The following TMEM120B variants were observed in gnomAD, a reference collection of about 807,000 sequenced individuals.
TMEM120B encodes the protein transmembrane protein 120B.
TMEM120B carries 31 observed loss-of-function variants against 55.5 expected under a neutral mutation model. That is an observed-to-expected ratio of 0.56 (90% CI 0.42 to 0.75). The LOEUF is 0.75. Ranked by LOEUF, TMEM120B falls within the 30% of genes least tolerant of loss-of-function variation. The probability of loss-of-function intolerance (pLI) is 0.00; values close to 1 mark genes in which losing one functional copy is unlikely to be tolerated. For synonymous variants in TMEM120B, 203 were observed against 176.3 expected (o/e 1.15, Z -1.20); for missense variants, 399 against 425.5 (o/e 0.94, Z 0.55).
intron 6 of TMEM120B, among the ~76,000 whole-genome samples, chr12:121,764,293 G>A (rs1272245912): frequency 2.7e-5 from 4 of 149,942 alleles, no homozygotes; most frequent in East Asian, 3.9e-4. Context: ...AGGCCAAGGC[G>A]GTGGATCACC....
At position 121,777,298 on chromosome 12, in the gene TMEM120B, AGAGATGGGGTC is replaced by A. The variant is rs1874277762; in HGVS notation, c.*1577_*1587del. 1 of 151,700 alleles carries A rather than the reference AGAGATGGGGTC, an allele frequency of 6.6e-6. No homozygotes were observed. The highest frequency in any genetic ancestry group is 2.4e-5 in the African/African-American group (1 of 41,222). 9.4% of individuals were successfully genotyped at this position (151,700 alleles called of 1,614,324 possible). A position where few individuals can be genotyped will look rare whatever the true frequency, so the allele number is the denominator to read the frequency against. On this transcript the variant is annotated 3_prime_UTR_variant, in exon 12 of 12. Transcript: ENST00000449592. ...CTGCTACTTTTTAATACTTTTTAGT[AGAGATGGGGTC>A]TCACTATGTTGCCCAGGCTGGTCTC...
chr12:121,720,820 C>T (rs1894777636), intron 1 of TMEM120B, among the ~76,000 whole-genome samples: 1 of 152,216 alleles, frequency 6.6e-6, no homozygotes, highest in Non-Finnish European at 1.5e-5. Flanking sequence ...GTCTACTGGA[C>T]TGCCCAGCGA....
rs760209417 is a variant in TMEM120B at position 121,775,098 on chromosome 12, C to T, written c.874C>T (p.Leu292Phe). The T allele has an allele frequency of 1.9e-6, 3 of 1,610,946 alleles. No homozygotes were observed. Among genetic ancestry groups the T allele is most frequent in the Non-Finnish European group, 2.5e-6 (3 of 1,179,528 alleles). Reference sequence around the variant, plus strand: ...CTACAATGCCGTCACGCTGTTTGAGCTCTCCAGCCACGAGGAATGCAGAGA... The same window carrying T: ...CTACAATGCCGTCACGCTGTTTGAGTTCTCCAGCCACGAGGAATGCAGAGA... ...QLYNAVTLFE[L>F]SSHEECREWQ... The change falls in exon 11 of 12, where the codon CTC becomes TTC. Residue 292 changes from leucine to phenylalanine, a missense_variant. By Grantham distance (22) the Leu-to-Phe change is conservative. Transcript: ENST00000449592. This position sits in a 1 kb window ranked among gnomAD's most constrained non-coding sequence, Gnocchi z 4.3.
chr12:121,738,905 G>T (rs576149657), intron 1 of TMEM120B, among the ~76,000 whole-genome samples: 1 of 152,012 alleles, frequency 6.6e-6, no homozygotes, highest in Admixed American at 6.6e-5. Flanking sequence ...ACTTAAGTTC[G>T]GCCGGGCATG....
intron 1 of TMEM120B, among the ~76,000 whole-genome samples, chr12:121,738,012 C>CAAA (rs59357934): frequency 8.6e-5 from 6 of 69,384 alleles, no homozygotes; most frequent in Non-Finnish European, 1.2e-4. Flanking sequence ...CCTGTCTCCA[C>CAAA]AAAAAAAAAA....
chr12:121,721,834 C>T (rs1211879012), intron 1 of TMEM120B, among the ~76,000 whole-genome samples: 3 of 76,714 alleles, frequency 3.9e-5, no homozygotes, highest in East Asian at 1.1e-3. Flanking sequence ...TTTGAGACAG[C>T]GTCTTGCTCT....
Position 121,780,934 on chromosome 12 carries a change from TCCTC to T in TMEM120B, c.*5213_*5216del. 1.2e-6 allele frequency: 2 copies of T among 1,614,002 alleles called. No individual in the cohort carries two copies. Among genetic ancestry groups the T allele is most frequent in the South Asian group, 1.1e-5 (1 of 91,066 alleles). ...AGCTTCCGCAGCTGCTCCTTGTCCT[TCCTC>T]AGGTCTGTCTTGCAGCCGATGAGCA... On this transcript the variant is annotated 3_prime_UTR_variant, in exon 12 of 12. Coordinates refer to ENST00000449592, the MANE Select transcript of TMEM120B (RefSeq NM_001080825.2).
chr12:121,752,051 A>C (rs1404224051), intron 4 of TMEM120B, 77 bp from the exon 5 acceptor site: 3 of 1,223,646 alleles, frequency 2.5e-6, no homozygotes, highest in Admixed American at 1.7e-5. Context: ...CAAGGGTCTG[A>C]TGGGGCTGAG....
intron 6 of TMEM120B, among the ~76,000 whole-genome samples, chr12:121,767,714 G>A (rs1446326269): frequency 6.6e-6 from 1 of 152,214 alleles, no homozygotes. Flanking sequence ...GGGGTGTGCA[G>A]ATGGACGCCT....
At chr12:121,738,239 CAGAG>C (rs1483568443) in intron 1 of TMEM120B, among the ~76,000 whole-genome samples, 1 of 151,786 alleles carries the variant, frequency 6.6e-6, no homozygotes, top group East Asian at 1.9e-4. Flanking sequence ...AGCCTGGCCA[CAGAG>C]AGAGACTCCA....
intron 6 of TMEM120B, among the ~76,000 whole-genome samples, chr12:121,770,498 C>T (rs377679051): frequency 2.6e-5 from 4 of 152,076 alleles, no homozygotes; most frequent in Admixed American, 2.0e-4. Context: ...GCAGGCTTGG[C>T]GGGTTCTAGG....
chr12:121,751,008 A>C (rs1873296680), intron 4 of TMEM120B, among the ~76,000 whole-genome samples: 1 of 22,056 alleles, frequency 4.5e-5, no homozygotes, highest in African/African-American at 2.0e-4. Context: ...CCCCATATTC[A>C]CACCCCACAC....
intron 6 of TMEM120B, 72 bp from the exon 7 acceptor site, chr12:121,770,834 TG>T: frequency 7.2e-7 from 1 of 1,390,036 alleles, no homozygotes; most frequent in Non-Finnish European, 1.0e-6. Flanking sequence ...GCTGCATAGG[TG>T]GGGCCTCAGC....
intron 1 of TMEM120B, among the ~76,000 whole-genome samples, chr12:121,724,229 G>A (rs1457256062): frequency 6.6e-6 from 1 of 151,662 alleles, no homozygotes; most frequent in Non-Finnish European, 1.5e-5. Flanking sequence ...AGTAGAGACG[G>A]TTTCACTATG....
At chr12:121,741,243 A>G (rs1422961269) in intron 1 of TMEM120B, among the ~76,000 whole-genome samples, 1 of 152,176 alleles carries the variant, frequency 6.6e-6, no homozygotes, top group Non-Finnish European at 1.5e-5. Context: ...ATACAGCATG[A>G]TGGAACAGCT....
chr12:121,725,522 A>G (rs990554036), intron 1 of TMEM120B, among the ~76,000 whole-genome samples: 5 of 152,208 alleles, frequency 3.3e-5, no homozygotes, highest in Non-Finnish European at 7.3e-5. Context: ...ACAGACTTAC[A>G]TGACATCGGA....
chr12:121,762,990 G>T (rs1206630387), intron 6 of TMEM120B, among the ~76,000 whole-genome samples: 7 of 152,164 alleles, frequency 4.6e-5, no homozygotes, highest in East Asian at 1.9e-4. Context: ...TCTCTGAAGG[G>T]CTCTGAGTGC....
At chr12:121,736,266 C>T (rs1423218571) in intron 1 of TMEM120B, among the ~76,000 whole-genome samples, 2 of 151,572 alleles carry the variant, frequency 1.3e-5, no homozygotes, top group African/African-American at 4.8e-5. Flanking sequence ...CCTCTGCCTC[C>T]CAGGTTCACT....
At chr12:121,759,036 C>T in intron 5 of TMEM120B, 5 of 984,662 alleles carry the variant, frequency 5.1e-6, no homozygotes, top group Non-Finnish European at 6.0e-6. Context: ...ATATATGTAA[C>T]AAAGTTTACA....
Sources: gnomAD v4.1 joint callset for allele counts (sites outside exome capture counted in the v4.1 genomes callset) on GRCh38, gnomAD v4.1.1 for gene constraint, Gnocchi (gnomAD v3.1) non-coding constraint, MANE v1.5 for transcripts, NCBI Gene and HGNC (gene_info 2026-07-23, HGNC 2026-07-21) for gene names.